The following CSMD1 variants were observed in gnomAD, a reference collection of about 807,000 sequenced individuals.
The protein encoded by CSMD1 is CUB and Sushi multiple domains 1.
Under a neutral mutation model 417.5 loss-of-function variants are expected in CSMD1, and 213 were observed. The observed-to-expected ratio is 0.51, with a 90% CI of 0.46 to 0.57. The LOEUF is 0.57. Ranked by LOEUF, CSMD1 falls within the 20% of genes least tolerant of loss-of-function variation. CSMD1 has a pLI of 0.00. For missense variants in CSMD1, 6,923 were observed against 4,529.7 expected (o/e 1.53, Z -15.17); for synonymous variants, 2,862 against 1,736.8 (o/e 1.65, Z -16.11).
At chr8:4,465,672 T>G (rs1259912201) in intron 2 of CSMD1, among the ~76,000 whole-genome samples, 1 of 152,178 alleles carries the variant, frequency 6.6e-6, no homozygotes, top group African/African-American at 2.4e-5. Flanking sequence ...GAGATGAAAT[T>G]CACTTTATTG....
chr8:3,770,602 G>C (rs1359136471), intron 5 of CSMD1, among the ~76,000 whole-genome samples: 2 of 152,126 alleles, frequency 1.3e-5, no homozygotes, highest in Non-Finnish European at 2.9e-5. Context: ...ATGCAGAACG[G>C]CCATAAATGA....
chr8:4,554,957 G>C (rs115122001), intron 2 of CSMD1, among the ~76,000 whole-genome samples: 1 of 152,164 alleles, frequency 6.6e-6, no homozygotes, highest in Non-Finnish European at 1.5e-5. Context: ...AGTAAGCCAA[G>C]CCTGCTGGAG....
chr8:4,355,717 G>A (rs536692129), intron 3 of CSMD1, among the ~76,000 whole-genome samples: 4 of 152,294 alleles, frequency 2.6e-5, no homozygotes, highest in African/African-American at 9.6e-5. Flanking sequence ...TAAGGGTCCA[G>A]CAATGCATCT....
At chr8:3,759,740 C>CA (rs1188168101) in intron 5 of CSMD1, among the ~76,000 whole-genome samples, 2,727 of 116,470 alleles carry the variant, frequency 0.023, 69 homozygotes, top group African/African-American at 0.047. Context: ...CTAAAAATAC[C>CA]AAAAAAAAAA....
At chr8:4,859,152 A>G (rs1450266572) in intron 1 of CSMD1, among the ~76,000 whole-genome samples, 1 of 152,032 alleles carries the variant, frequency 6.6e-6, no homozygotes, top group East Asian at 1.9e-4. Context: ...CCTGAGAAAA[A>G]CAAGCAATGG....
At chr8:4,749,500 T>A (rs945830340) in intron 1 of CSMD1, among the ~76,000 whole-genome samples, 11 of 152,220 alleles carry the variant, frequency 7.2e-5, no homozygotes, top group African/African-American at 2.7e-4. Context: ...TAGTGATGAC[T>A]TGTGGTTAGC....
chr8:3,271,521 T>C (rs1333592574), intron 26 of CSMD1, among the ~76,000 whole-genome samples: 1 of 147,982 alleles, frequency 6.8e-6, no homozygotes, highest in Non-Finnish European at 1.5e-5. Context: ...TCCACAATGG[T>C]TGAACTAGTT....
At chr8:4,342,882 C>A (rs1246463855) in intron 3 of CSMD1, among the ~76,000 whole-genome samples, 1 of 151,990 alleles carries the variant, frequency 6.6e-6, no homozygotes, top group Non-Finnish European at 1.5e-5. Context: ...TGTGACATAT[C>A]AGGAGAAGCA....
At chr8:3,571,499 C>T (rs1247650403) in intron 10 of CSMD1, among the ~76,000 whole-genome samples, 1 of 152,138 alleles carries the variant, frequency 6.6e-6, no homozygotes, top group Non-Finnish European at 1.5e-5. Context: ...GACTCCTCTG[C>T]GACAGAAGCA....
intron 7 of CSMD1, among the ~76,000 whole-genome samples, chr8:3,631,451 G>A (rs958434568): frequency 6.6e-6 from 1 of 152,206 alleles, no homozygotes; most frequent in Non-Finnish European, 1.5e-5. Context: ...TTGAGGTCAA[G>A]AATAGGCAGA....
chr8:4,456,885 C>T (rs1392835090), intron 2 of CSMD1, among the ~76,000 whole-genome samples: 1 of 151,556 alleles, frequency 6.6e-6, no homozygotes, highest in Non-Finnish European at 1.5e-5. Flanking sequence ...AAAGGGAGAA[C>T]ACACCCGTAT....
chr8:3,522,971 C>G (rs1797569686), intron 10 of CSMD1, among the ~76,000 whole-genome samples: 1 of 149,764 alleles, frequency 6.7e-6, no homozygotes, highest in Non-Finnish European at 1.5e-5. Flanking sequence ...ACTCATTTAT[C>G]TATTTTATAT....
At position 4,143,716 on chromosome 8, in the gene CSMD1, A is replaced by G. The variant is rs1010490461; in HGVS notation, c.416-111617T>C. 3.3e-5 allele frequency among the ~76,000 whole-genome samples: 5 copies of G among 151,158 alleles called. 1 individual carries two copies. Among genetic ancestry groups the G allele is most frequent in the African/African-American group, 4.9e-5 (2 of 40,476 alleles). On this transcript the variant is annotated intron_variant, in intron 3 of 69. Transcript: ENST00000635120. Reference sequence around the variant, plus strand: ...TAAGATACACAAAGTAACAAAGGAAAGAAACATAGGAAGGAAGCTGTGAAA... The same window carrying G: ...TAAGATACACAAAGTAACAAAGGAAGGAAACATAGGAAGGAAGCTGTGAAA...
intron 28 of CSMD1, among the ~76,000 whole-genome samples, chr8:3,222,163 G>A (rs897245268): frequency 6.6e-6 from 1 of 152,148 alleles, no homozygotes; most frequent in African/African-American, 2.4e-5. Context: ...TGGGTTGGGA[G>A]AGGCTTAGAG....
chr8:4,014,418 C>G (rs1006665595), intron 4 of CSMD1, among the ~76,000 whole-genome samples: 5 of 152,148 alleles, frequency 3.3e-5, no homozygotes, highest in Non-Finnish European at 7.3e-5. Context: ...CTAATCTTCT[C>G]CAGGAGAATA....
At chr8:4,350,503 C>T (rs1465630237) in intron 3 of CSMD1, among the ~76,000 whole-genome samples, 2 of 152,198 alleles carry the variant, frequency 1.3e-5, no homozygotes, top group Non-Finnish European at 2.9e-5. Context: ...AAGATCACCG[C>T]AGCAGTGAGC....
intron 5 of CSMD1, among the ~76,000 whole-genome samples, chr8:3,819,456 A>T (rs973896348): frequency 1.3e-5 from 2 of 151,774 alleles, no homozygotes; most frequent in Non-Finnish European, 2.9e-5. Context: ...AGTGCTTCCA[A>T]CTTCACCTTC....
intron 3 of CSMD1, among the ~76,000 whole-genome samples, chr8:4,262,045 C>A (rs1343177292): frequency 6.6e-6 from 1 of 152,016 alleles, no homozygotes; most frequent in South Asian, 2.1e-4. Context: ...TATTATTGTC[C>A]CATATTTTAG....
intron 3 of CSMD1, among the ~76,000 whole-genome samples, chr8:4,151,843 T>A (rs1796587118): frequency 6.6e-6 from 1 of 152,188 alleles, no homozygotes; most frequent in South Asian, 2.1e-4. Context: ...CATGAATCAA[T>A]TATATTTCCA....
Sources: allele counts gnomAD v4.1 joint callset (sites outside exome capture counted in the v4.1 genomes callset), GRCh38; gene constraint gnomAD v4.1.1; transcripts MANE v1.5; gene names NCBI Gene and HGNC (gene_info 2026-07-23, HGNC 2026-07-21).